PRIMA1: variants seen among roughly 807,000 people sequenced by gnomAD.
The protein encoded by PRIMA1 is proline rich membrane anchor 1, also known as proline-rich membrane anchor 1.
PRIMA1 carries 7 observed loss-of-function variants against 17.5 expected under a neutral mutation model. The ratio of observed to expected loss-of-function variants is 0.40; its 90% CI spans 0.23 to 0.75. The LOEUF (loss-of-function observed/expected upper bound fraction) is 0.75, where lower values mean the gene tolerates loss of function less well. Ranked by LOEUF, PRIMA1 falls within the 30% of genes least tolerant of loss-of-function variation. The probability of loss-of-function intolerance (pLI) is 0.37; values close to 1 mark genes in which losing one functional copy is unlikely to be tolerated. For missense variants in PRIMA1, 200 were observed against 201.8 expected, an observed-to-expected ratio of 0.99 and a Z score of 0.05; for synonymous variants, 97 against 77.9, an observed-to-expected ratio of 1.25 and a Z score of -1.29.
At chr14:93,760,052 G>A (rs1262608413) in intron 3 of PRIMA1, among the ~76,000 whole-genome samples, 2 of 152,260 alleles carry the variant, frequency 1.3e-5, no homozygotes, top group African/African-American at 2.4e-5. Flanking sequence ...TGCCGTCCCC[G>A]AGGGCTGCCT....
At chr14:93,739,735 G>A (rs2076173016) in intron 3 of PRIMA1, among the ~76,000 whole-genome samples, 1 of 152,144 alleles carries the variant, frequency 6.6e-6, no homozygotes, top group Non-Finnish European at 1.5e-5. Flanking sequence ...AATGCAAGGT[G>A]CCTAGGAGTG....
At position 93,768,189 on chromosome 14, in the gene PRIMA1, A is replaced by G. The variant is rs189671440; in HGVS notation, c.229+10987T>C. 3.4e-3 allele frequency among the ~76,000 whole-genome samples: 524 copies of G among 152,112 alleles called. 4 individuals are homozygous for G. Among genetic ancestry groups the G allele is most frequent in the Middle Eastern group, 6.8e-3 (2 of 294 alleles). On this transcript the variant is annotated intron_variant, in intron 3 of 4. Transcript: ENST00000393140. ...CACACGTGTCCCTTTTTCCACCTCAATGTTCAGTCCAGACTCCACATAAGA... is the reference window on the plus strand; with the variant it reads ...CACACGTGTCCCTTTTTCCACCTCAGTGTTCAGTCCAGACTCCACATAAGA...
chr14:93,763,219 C>G (rs1032688744), intron 3 of PRIMA1, among the ~76,000 whole-genome samples: 2 of 152,070 alleles, frequency 1.3e-5, no homozygotes, highest in Non-Finnish European at 2.9e-5. Context: ...AAAAGTCTGC[C>G]CCCCCAGCAT....
At chr14:93,740,082 TA>T (rs1566966659) in intron 3 of PRIMA1, among the ~76,000 whole-genome samples, 3 of 149,642 alleles carry the variant, frequency 2.0e-5, no homozygotes, top group African/African-American at 2.5e-5. Flanking sequence ...AATCAATAAA[TA>T]AAATAAAATA....
At chr14:93,752,775 G>A (rs1260990119) in intron 3 of PRIMA1, among the ~76,000 whole-genome samples, 2 of 152,062 alleles carry the variant, frequency 1.3e-5, no homozygotes, top group East Asian at 1.9e-4. Flanking sequence ...ACGCAACCTG[G>A]GTTATGGCAC....
rs930340935 is a variant in PRIMA1 at position 93,757,386 on chromosome 14, G to A, written c.230-20016C>T. Among the ~76,000 whole-genome samples, 7 of 152,256 alleles carry A rather than the reference G, an allele frequency of 4.6e-5. No homozygotes were observed. In the East Asian group the frequency reaches 5.8e-4, roughly 13 times the overall value. ...GAGGGATGAGCGGCTCTATGGACAC[G>A]TCAGAGCCGGCTAATCCCACAGGGT... is the stretch of plus-strand genomic sequence containing the variant. On this transcript the variant is annotated intron_variant, in intron 3 of 4. Coordinates refer to ENST00000393140, the MANE Select transcript of PRIMA1 (RefSeq NM_178013.4).
chr14:93,760,555 C>T (rs1346231086), intron 3 of PRIMA1, among the ~76,000 whole-genome samples: 5 of 152,174 alleles, frequency 3.3e-5, no homozygotes, highest in Non-Finnish European at 5.9e-5. Context: ...TGATGGCTCA[C>T]GGCCCATCTA....
intron 3 of PRIMA1, among the ~76,000 whole-genome samples, chr14:93,758,164 G>A (rs946125919): frequency 5.3e-5 from 8 of 152,102 alleles, no homozygotes; most frequent in African/African-American, 1.9e-4. Context: ...CAGCTTACTC[G>A]GCTCTGCCAC....
chr14:93,787,860 G>A lies in PRIMA1; in HGVS notation c.-31-111C>T, dbSNP rs546447012. On this transcript the variant is annotated intron_variant, in intron 1 of 4. Transcript: ENST00000393140. ...GGACGGGCACGCCCCGCACCCAGGG[G>A]CACCCTAGTAAACCAAGCCTGCACT... 29 of 1,307,914 alleles carry A rather than the reference G, an allele frequency of 2.2e-5. No homozygotes were observed. In the East Asian group the frequency reaches 7.4e-4, roughly 34 times the overall value. 81.0% of individuals were successfully genotyped at this position (1,307,914 alleles called of 1,614,324 possible).
intron 3 of PRIMA1, among the ~76,000 whole-genome samples, chr14:93,748,606 C>G (rs573768045): frequency 6.6e-6 from 1 of 151,816 alleles, no homozygotes; most frequent in Non-Finnish European, 1.5e-5. Context: ...GTGGCCGAGG[C>G]CCTTCCTGAG....
chr14:93,772,761 T>C (rs977208980), intron 3 of PRIMA1, among the ~76,000 whole-genome samples: 3 of 152,118 alleles, frequency 2.0e-5, no homozygotes, highest in African/African-American at 7.2e-5. Flanking sequence ...CTGTTGAAGA[T>C]GCAGGGGAGT....
chr14:93,787,863 C>T, intron 1 of PRIMA1, 114 bp from the exon 2 acceptor site: 1 of 1,229,994 alleles, frequency 8.1e-7, no homozygotes, highest in Non-Finnish European at 1.1e-6. Context: ...CCCAGGGGCA[C>T]CCTAGTAAAC....
intron 3 of PRIMA1, among the ~76,000 whole-genome samples, chr14:93,762,146 C>T (rs766501826): frequency 1.3e-5 from 2 of 152,170 alleles, no homozygotes; most frequent in Non-Finnish European, 2.9e-5. Context: ...CTGTGGGATG[C>T]AGGTGGGGCC....
chr14:93,751,943 G>A (rs2076262095), intron 3 of PRIMA1, among the ~76,000 whole-genome samples: 1 of 152,142 alleles, frequency 6.6e-6, no homozygotes, highest in Admixed American at 6.5e-5. Context: ...CTGTTGCACT[G>A]GCCATATTTT....
intron 3 of PRIMA1, among the ~76,000 whole-genome samples, chr14:93,757,017 G>A (rs2076295180): frequency 6.6e-6 from 1 of 152,174 alleles, no homozygotes; most frequent in African/African-American, 2.4e-5. Context: ...AGAGATAGAA[G>A]AAAACCCAAC....
Position 93,779,233 on chromosome 14 carries a change from G to GCCC in PRIMA1, c.171_172insGGG (p.Pro57_Pro58insGly). On this transcript the variant is annotated inframe_insertion, in exon 3 of 5. Transcript: ENST00000393140. Reference sequence around the variant, plus strand: ...GGTGGGGGCGGCGGGGGCAGCGGGGGAGGGGGCCGGCACTGGCAGACGTGT... The same window carrying GCCC: ...GGTGGGGGCGGCGGGGGCAGCGGGGGCCCAGGGGGCCGGCACTGGCAGACGTGT... 9.1e-7 allele frequency: 1 copy of GCCC among 1,094,108 alleles called. No homozygotes were observed. Among genetic ancestry groups the GCCC allele is most frequent in the African/African-American group, 1.7e-5 (1 of 58,782 alleles). The allele number at this position is 1,094,108 out of a possible 1,614,324, so 67.8% of individuals were successfully genotyped here.
rs1183347006 is a variant in PRIMA1 at position 93,721,509 on chromosome 14, C to T, written c.397G>A (p.Ala133Thr). The change falls in exon 5 of 5, where the codon GCT becomes ACT. Residue 133 changes from alanine to threonine, a missense_variant. Ala to Thr is a moderately conservative substitution (Grantham distance 58, BLOSUM62 0). Transcript: ENST00000393140. Reference protein sequence around the residue: ...LRKDENGTSVAEYPMSASQSN... With the variant: ...LRKDENGTSVTEYPMSASQSN... ...TGCGAAGCACTCATGGGATACTCAGCAACGCTGGTGCCATTTTCGTCTTTT... is the reference window on the plus strand; with the variant it reads ...TGCGAAGCACTCATGGGATACTCAGTAACGCTGGTGCCATTTTCGTCTTTT... The T allele has an allele frequency of 6.2e-7, 1 of 1,613,796 alleles. No individual in the cohort carries two copies.
intron 3 of PRIMA1, among the ~76,000 whole-genome samples, chr14:93,764,690 T>C (rs1884837517): frequency 6.6e-6 from 1 of 152,236 alleles, no homozygotes; most frequent in Non-Finnish European, 1.5e-5. Flanking sequence ...CTTGCTGAAA[T>C]GCTGATGCAC....
chr14:93,763,497 A>G (rs1884795533), intron 3 of PRIMA1, among the ~76,000 whole-genome samples: 1 of 151,810 alleles, frequency 6.6e-6, no homozygotes, highest in Non-Finnish European at 1.5e-5. Flanking sequence ...AGCTCACACC[A>G]CCGATTGTCT....
Sources: gnomAD v4.1 joint callset for allele counts (sites outside exome capture counted in the v4.1 genomes callset) on GRCh38, gnomAD v4.1.1 for gene constraint, MANE v1.5 for transcripts, NCBI Gene and HGNC (gene_info 2026-07-23, HGNC 2026-07-21) for gene names.